MORC4: variants seen among roughly 807,000 people sequenced by gnomAD.
The protein encoded by MORC4 is MORC family CW-type zinc finger protein 4.
In MORC4, 22 loss-of-function variants were observed where a neutral mutation model predicts 65.5. The ratio of observed to expected loss-of-function variants is 0.34; its 90% confidence interval spans 0.24 to 0.48. The LOEUF is 0.48. Ranked by LOEUF, MORC4 falls within the 20% of genes least tolerant of loss-of-function variation. The pLI is 0.99. For synonymous variants in MORC4, 267 were observed against 255.8 expected (o/e 1.04, Z -0.42); for missense variants, 624 against 703.0 (o/e 0.89, Z 1.27).
intron 14 of MORC4, among the ~76,000 whole-genome samples, chrX:106,946,408 T>C (rs1179030350): frequency 8.9e-6 from 1 of 112,770 alleles, no homozygotes; most frequent in Non-Finnish European, 1.9e-5. Flanking sequence ...AACTTGCTTC[T>C]TTCATTTAAC....
At chrX:106,963,894 A>AC (rs1934313107) in intron 9 of MORC4, among the ~76,000 whole-genome samples, 1 of 110,559 alleles carries the variant, frequency 9.0e-6, no homozygotes, top group Non-Finnish European at 1.9e-5. Context: ...AACAACAACA[A>AC]AAAAAAACCC....
At chrX:106,959,197 A>G (rs1934176769) in intron 10 of MORC4, among the ~76,000 whole-genome samples, 1 of 111,907 alleles carries the variant, frequency 8.9e-6, no homozygotes, top group Admixed American at 9.5e-5. Flanking sequence ...TCAACTCTTA[A>G]AATGCATACC....
At chrX:106,943,314 T>C in intron 14 of MORC4, 109 bp from the exon 15 acceptor site, 2 of 590,761 alleles carry the variant, frequency 3.4e-6, no homozygotes, top group Middle Eastern at 5.4e-4. Context: ...ACTCTAGATG[T>C]TACCCACAGA....
chrX:106,973,501 C>T (rs749727818), intron 9 of MORC4, among the ~76,000 whole-genome samples: 5 of 111,429 alleles, frequency 4.5e-5, no homozygotes, highest in South Asian at 7.6e-4. Flanking sequence ...ATATATTTTG[C>T]ATATGAGATG....
chrX:106,942,614 A>T lies in MORC4; in HGVS notation c.2277T>A (p.Asn759Lys). The T allele has an allele frequency of 8.3e-7, 1 of 1,211,283 alleles. No homozygotes were observed. Among genetic ancestry groups the T allele is most frequent in the Non-Finnish European group, 1.1e-6 (1 of 895,318 alleles). The change falls in exon 15 of 17, where the codon AAT (asparagine) becomes AAA (lysine). Residue 759 changes from asparagine (N) to lysine (K), a missense_variant. Physicochemically the swap from Asn to Lys is moderately conservative, Grantham distance 94. Coordinates refer to ENST00000355610, the MANE Select transcript of MORC4 (RefSeq NM_024657.5). ...CTCTCTGGTTCTTCAACTTTGGTGT[A>T]TTATGACCTTCGCTCTCCTCATAGC... The part of the protein sequence containing the change: ...ARGYEESEGH[N>K]TPKLKNQREL...
intron 14 of MORC4, among the ~76,000 whole-genome samples, chrX:106,948,119 C>T (rs183055625): frequency 9.0e-6 from 1 of 111,454 alleles, no homozygotes; most frequent in East Asian, 2.8e-4. Context: ...ATAACATTCA[C>T]GAATCTAATA....
intron 4 of MORC4, 60 bp from the exon 5 acceptor site, chrX:106,985,303 T>C: frequency 2.2e-6 from 2 of 905,404 alleles, no homozygotes; most frequent in Non-Finnish European, 3.1e-6. Context: ...AGAAGGAAGA[T>C]CTGCCCTTTG....
At chrX:106,968,642 CAAA>C (rs1194053588) in intron 9 of MORC4, among the ~76,000 whole-genome samples, 1 of 17,986 alleles carries the variant, frequency 5.6e-5, no homozygotes, top group Non-Finnish European at 9.8e-5. Context: ...AAATGGAAAG[CAAA>C]AAAAAAAAAA....
rs773471901 is a variant in MORC4 at position 106,986,011 on chromosome X, T to C, written c.498A>G (p.Val166=). Reference sequence around the variant, plus strand: ...TTTGCTGGTTGAATGGAACAATTGGTACAATAACTGCCTGGGCCTGGACAC... The same window carrying C: ...TTTGCTGGTTGAATGGAACAATTGGCACAATAACTGCCTGGGCCTGGACAC... ...LECVQAQAVI[V]PIVPFNQQNK... is the part of the protein sequence containing the mutation. Residue 166 remains valine, a synonymous_variant, in exon 4 of 17, where the codon GTA becomes GTG. Transcript: ENST00000355610. 2.3e-5 allele frequency: 28 copies of C among 1,208,062 alleles called. No individual in the cohort carries two copies. Among genetic ancestry groups the C allele is most frequent in the Non-Finnish European group, 2.3e-5 (21 of 893,823 alleles).
At chrX:106,980,209 G>T (rs1360243994) in intron 7 of MORC4, among the ~76,000 whole-genome samples, 1 of 111,176 alleles carries the variant, frequency 9.0e-6, no homozygotes, top group African/African-American at 3.3e-5. Context: ...AATTTCCATA[G>T]TTCATCTTAA....
intron 2 of MORC4, among the ~76,000 whole-genome samples, chrX:106,995,298 T>A (rs147410562): frequency 0.019 from 2,074 of 111,471 alleles, 52 homozygotes; most frequent in African/African-American, 0.064. Context: ...CACAGCTCTG[T>A]TCATGACATT....
At chrX:106,967,171 G>A (rs889755424) in intron 9 of MORC4, among the ~76,000 whole-genome samples, 13 of 111,428 alleles carry the variant, frequency 1.2e-4, no homozygotes, top group African/African-American at 3.6e-4. Context: ...GGCAAACAGC[G>A]TCTGGAGTGG....
chrX:106,959,041 C>G (rs929786136), intron 10 of MORC4, among the ~76,000 whole-genome samples: 14 of 111,715 alleles, frequency 1.3e-4, no homozygotes, highest in Non-Finnish European at 2.4e-4. Flanking sequence ...AAACCCTTTG[C>G]TTATAATACT....
chrX:106,970,722 C>A (rs1234125642), intron 9 of MORC4, among the ~76,000 whole-genome samples: 2 of 111,507 alleles, frequency 1.8e-5, no homozygotes, highest in African/African-American at 6.5e-5. Context: ...TTCACAGTTG[C>A]TACTAAGAGA....
At chrX:106,985,810 T>C (rs1934858380) in intron 4 of MORC4, among the ~76,000 whole-genome samples, 173 bp downstream of exon 4, 1 of 112,458 alleles carries the variant, frequency 8.9e-6, no homozygotes, top group African/African-American at 3.2e-5. Context: ...CTTATGTCAA[T>C]GTTCTACTTG....
At position 106,973,968 on chromosome X, in the gene MORC4, G is replaced by A. The variant is rs146307612; in HGVS notation, c.1157+2616C>T. 7.9e-3 allele frequency among the ~76,000 whole-genome samples: 886 copies of A among 112,161 alleles called. 2 individuals carry two copies. The highest frequency in any genetic ancestry group is 0.032 in the South Asian group (85 of 2,695). On this transcript the variant is annotated intron_variant, in intron 9 of 16. Coordinates refer to ENST00000355610, the MANE Select transcript of MORC4 (RefSeq NM_024657.5). ...AATTAGTATTGTTTTCAGCCACTAA[G>A]TTATGTGGTAATTTGTTATGACAGC... is the stretch of plus-strand genomic sequence containing the variant.
intron 9 of MORC4, among the ~76,000 whole-genome samples, chrX:106,968,525 T>G (rs1312279728): frequency 9.3e-6 from 1 of 107,175 alleles, no homozygotes; most frequent in Non-Finnish European, 1.9e-5. Context: ...ACTGGCAAAC[T>G]GGATAAAGAG....
At chrX:106,959,647 C>T (rs1303646202) in intron 10 of MORC4, among the ~76,000 whole-genome samples, 1 of 111,258 alleles carries the variant, frequency 9.0e-6, no homozygotes, top group African/African-American at 3.3e-5. Context: ...AAGTAATCCT[C>T]CCACCTCAGC....
chrX:106,957,108 C>G, intron 11 of MORC4, 104 bp from the exon 12 acceptor site: 1 of 440,055 alleles, frequency 2.3e-6, no homozygotes, highest in Non-Finnish European at 3.9e-6. Context: ...TCTAACATTA[C>G]AGAGTTCAGA....
Sources: gnomAD v4.1 joint callset for allele counts (sites outside exome capture counted in the v4.1 genomes callset) on GRCh38, gnomAD v4.1.1 for gene constraint, MANE v1.5 for transcripts, NCBI Gene and HGNC (gene_info 2026-07-23, HGNC 2026-07-21) for gene names.